Variants in WNK2 observed in about 807,000 individuals in gnomAD.
WNK2 encodes serine/threonine-protein kinase WNK2.
In WNK2, 67 loss-of-function variants were observed where a neutral mutation model predicts 192.1. That is an observed-to-expected ratio of 0.35 (90% confidence interval 0.29 to 0.43). The LOEUF (loss-of-function observed/expected upper bound fraction) is 0.43. Ranked by LOEUF, WNK2 falls within the 20% of genes least tolerant of loss-of-function variation. The pLI, the probability that WNK2 is intolerant of heterozygous loss-of-function variation, is 1.00. For missense variants in WNK2, 2,698 were observed against 3,089.7 expected (o/e 0.87, Z 3.01); for synonymous variants, 1,439 against 1,393.9 (o/e 1.03, Z -0.72).
chr9:93,287,866 G>C (rs2133772207), intron 19 of WNK2, among the ~76,000 whole-genome samples: 2 of 152,216 alleles, frequency 1.3e-5, no homozygotes. Context: ...TACAAGACCA[G>C]CCTGGGCAAC....
chr9:93,277,861 T>C (rs1847175427), intron 19 of WNK2, among the ~76,000 whole-genome samples: 1 of 152,164 alleles, frequency 6.6e-6, no homozygotes, highest in Admixed American at 6.5e-5. Flanking sequence ...TAAGTTTACC[T>C]GTGTTGAAAA....
At chr9:93,276,676 C>G (rs1157329169) in intron 19 of WNK2, among the ~76,000 whole-genome samples, 1 of 152,122 alleles carries the variant, frequency 6.6e-6, no homozygotes, top group East Asian at 1.9e-4. Flanking sequence ...AATCACATAT[C>G]CAACATAGTG....
chr9:93,207,671 T>C (rs1833639467), intron 2 of WNK2, among the ~76,000 whole-genome samples: 1 of 152,174 alleles, frequency 6.6e-6, no homozygotes, highest in Admixed American at 6.5e-5. Context: ...ACTGTGGAAA[T>C]GAAAATAGCC....
intron 16 of WNK2, among the ~76,000 whole-genome samples, chr9:93,265,347 G>T (rs4743906): frequency 0.049 from 7,391 of 152,232 alleles, 238 homozygotes; most frequent in Middle Eastern, 0.092. Context: ...GCTGGGGGTG[G>T]GTGAGAGGCT....
At chr9:93,207,320 G>A (rs1019599581) in intron 2 of WNK2, among the ~76,000 whole-genome samples, 1 of 152,006 alleles carries the variant, frequency 6.6e-6, no homozygotes, top group Non-Finnish European at 1.5e-5. Flanking sequence ...CAGAGCCGTG[G>A]GTTTGACCTG....
chr9:93,241,561 A>G (rs1442583468), intron 7 of WNK2, among the ~76,000 whole-genome samples: 1 of 152,022 alleles, frequency 6.6e-6, no homozygotes, highest in East Asian at 1.9e-4. Flanking sequence ...GGTCTCAGTA[A>G]AAAGAAGTGG....
At chr9:93,225,130 G>A (rs547363512) in intron 2 of WNK2, among the ~76,000 whole-genome samples, 7 of 152,144 alleles carry the variant, frequency 4.6e-5, no homozygotes. Context: ...TGGGCATGGT[G>A]GCTCACACCT....
At chr9:93,221,471 C>T (rs899091033) in intron 2 of WNK2, among the ~76,000 whole-genome samples, 2 of 152,200 alleles carry the variant, frequency 1.3e-5, no homozygotes, top group African/African-American at 2.4e-5. Flanking sequence ...GTTCAACATC[C>T]GCACACCAGA....
intron 8 of WNK2, among the ~76,000 whole-genome samples, chr9:93,248,146 A>T (rs867197339): frequency 3.9e-5 from 6 of 152,376 alleles, no homozygotes; most frequent in Middle Eastern, 3.4e-3. Flanking sequence ...AGCAACTTCC[A>T]GGGTGGTGGG....
chr9:93,281,654 A>G (rs1262304267), intron 19 of WNK2, among the ~76,000 whole-genome samples: 5 of 152,208 alleles, frequency 3.3e-5, no homozygotes, highest in Non-Finnish European at 7.3e-5. Flanking sequence ...GAAGGCATGA[A>G]GCCACTAATT....
chr9:93,283,722 A>G (rs149261529), intron 19 of WNK2, among the ~76,000 whole-genome samples: 7 of 152,306 alleles, frequency 4.6e-5, no homozygotes, highest in Non-Finnish European at 8.8e-5. Context: ...AAGGTTTCAT[A>G]CATCTGGCCC....
Position 93,258,930 on chromosome 9 carries a change from G to T in WNK2, c.2383-1G>T. ...CTGACACACTCCTGTGTCTCTTTCA[G>T]ATGCCCCCGATTCCTGTTGTGCCCC... On this transcript the variant is annotated splice_acceptor_variant, in intron 11 of 29. Coordinates refer to ENST00000427277, the MANE Select transcript of WNK2 (RefSeq NM_006648.4). LOFTEE classifies it high-confidence loss of function. The T allele has an allele frequency of 6.2e-7, 1 of 1,609,400 alleles. No individual in the cohort carries two copies. The highest frequency in any genetic ancestry group is 2.2e-5 in the East Asian group (1 of 44,848).
intron 2 of WNK2, among the ~76,000 whole-genome samples, chr9:93,218,236 T>TG: frequency 6.6e-6 from 1 of 152,304 alleles, no homozygotes; most frequent in African/African-American, 2.4e-5. Context: ...GGCCTTGCCC[T>TG]GGGGTGCCCC....
At chr9:93,217,854 T>C (rs974522763) in intron 2 of WNK2, among the ~76,000 whole-genome samples, 2 of 151,992 alleles carry the variant, frequency 1.3e-5, no homozygotes, top group African/African-American at 4.8e-5. Context: ...GGTGATAGCT[T>C]GGGCCACCTA....
At position 93,247,461 on chromosome 9, in the gene WNK2, G is replaced by A. The variant is rs553341760; in HGVS notation, c.1543-82G>A. 5.6e-5 allele frequency: 83 copies of A among 1,487,054 alleles called. No individual in the cohort carries two copies. The African/African-American group carries it at 1.0e-3, about 18-fold the overall frequency. 92.1% of individuals were successfully genotyped at this position (1,487,054 alleles called of 1,614,324 possible). ...GCGTGTCCTGCGTGGATGAGCCAGT[G>A]ATGGGAAAGCACTTTAGGTAAGGGG... On this transcript the variant is annotated intron_variant, in intron 7 of 29. Coordinates refer to ENST00000427277, the MANE Select transcript of WNK2 (RefSeq NM_006648.4). The surrounding 1 kb of genome is among the most constrained non-coding windows in gnomAD (Gnocchi z 5.2).
chr9:93,190,099 T>C (rs1370806566), intron 2 of WNK2, among the ~76,000 whole-genome samples: 1 of 152,252 alleles, frequency 6.6e-6, no homozygotes, highest in African/African-American at 2.4e-5. Context: ...TTTGCTTTCC[T>C]GGGCGAGATG....
At chr9:93,308,742 A>G (rs1588620075) in intron 28 of WNK2, 158 bp downstream of exon 28, 2 of 1,396,086 alleles carry the variant, frequency 1.4e-6, no homozygotes, top group Non-Finnish European at 1.9e-6. Flanking sequence ...AGGCTTGTCC[A>G]CTTTACAGAT....
In WNK2 at chr9:93,261,834, T is replaced by A; in HGVS notation, c.3087T>A (p.Ala1029=). 6.3e-7 allele frequency: 1 copy of A among 1,593,242 alleles called. No individual in the cohort carries two copies. The highest frequency in any genetic ancestry group is 2.2e-5 in the East Asian group (1 of 44,668). The part of the protein sequence containing the change: ...PGSQILLGHP[A]PYAVDVAAQV... ...CCCAGATTCTGCTTGGCCACCCAGC[T>A]CCCTATGCTGTGGACGTCGCCGCTC... Residue 1029 remains alanine, a synonymous_variant, in exon 13 of 30, where the codon GCT becomes GCA. Transcript: ENST00000427277.
intron 26 of WNK2, among the ~76,000 whole-genome samples, chr9:93,302,266 C>A (rs542573303): frequency 2.0e-5 from 3 of 152,142 alleles, no homozygotes; most frequent in Admixed American, 1.3e-4. Context: ...TGTGGGATTG[C>A]GCCAGGCTTG....
Sources: allele counts gnomAD v4.1 joint callset (sites outside exome capture counted in the v4.1 genomes callset), GRCh38; gene constraint gnomAD v4.1.1; non-coding constraint Gnocchi (gnomAD v3.1); transcripts MANE v1.5; gene names NCBI Gene and HGNC (gene_info 2026-07-23, HGNC 2026-07-21).